The following CPLANE1 variants were observed in gnomAD, a reference collection of about 807,000 sequenced individuals.
CPLANE1 encodes the protein ciliogenesis and planar polarity effector complex subunit 1, also known as ciliogenesis and planar polarity effector 1.
In CPLANE1, 263 loss-of-function variants were observed where a neutral mutation model predicts 362.5. The ratio of observed to expected loss-of-function variants is 0.73; its 90% CI spans 0.66 to 0.80. CPLANE1 has a LOEUF of 0.80. Among genes scored for constraint, CPLANE1 ranks in the 30% least tolerant of loss-of-function variants. CPLANE1 has a pLI of 0.00. For synonymous variants in CPLANE1, 1,212 were observed against 1,302.6 expected, an observed-to-expected ratio of 0.93 and a Z score of 1.50; for missense variants, 3,461 against 3,793.4, an observed-to-expected ratio of 0.91 and a Z score of 2.30.
At chr5:37,187,912 TCTG>T in intron 21 of CPLANE1, 70 bp from the exon 22 acceptor site, 1 of 998,416 alleles carries the variant, frequency 1.0e-6, no homozygotes, top group Non-Finnish European at 1.5e-6. Flanking sequence ...CAACTCCAAC[TCTG>T]CTGATCATTT....
intron 16 of CPLANE1, chr5:37,210,368 A>G: frequency 3.6e-6 from 4 of 1,121,052 alleles, no homozygotes; most frequent in Non-Finnish European, 1.4e-6. Context: ...AGCAGAATAT[A>G]AAGAGTTTTG....
In CPLANE1 at chr5:37,173,744, G is replaced by A; in HGVS notation, c.6171+11C>T. 1 of 1,607,504 alleles carries A rather than the reference G, an allele frequency of 6.2e-7. No individual in the cohort carries two copies. Among genetic ancestry groups the A allele is most frequent in the South Asian group, 1.1e-5 (1 of 90,768 alleles). ...GTGTAGATTTACTTACTTATATAGA[G>A]ATGTGCTTACCTGAACTAATTTAAA... On this transcript the variant is annotated intron_variant, in intron 32 of 52. Coordinates refer to ENST00000651892, the MANE Select transcript of CPLANE1 (RefSeq NM_001384732.1).
chr5:37,077,410 G>A, the CPLANE1 span, among the ~76,000 whole-genome samples: 1 of 151,968 alleles, frequency 6.6e-6, no homozygotes, highest in Non-Finnish European at 1.5e-5. Context: ...GTCTGTTGCT[G>A]CTGCTTTTGT....
intron 43 of CPLANE1, among the ~76,000 whole-genome samples, chr5:37,142,990 A>G (rs901480064): frequency 1.3e-5 from 2 of 152,238 alleles, no homozygotes; most frequent in African/African-American, 4.8e-5. Flanking sequence ...CCCCTGGTGA[A>G]ACAGCAAATA....
the CPLANE1 span, among the ~76,000 whole-genome samples, chr5:37,100,692 A>C: frequency 6.6e-6 from 1 of 152,176 alleles, no homozygotes; most frequent in Non-Finnish European, 1.5e-5. Context: ...TGAATCTATA[A>C]ATTACTTTGG....
intron 46 of CPLANE1, among the ~76,000 whole-genome samples, chr5:37,131,333 C>G (rs1765724713): frequency 6.6e-6 from 1 of 152,048 alleles, no homozygotes; most frequent in South Asian, 2.1e-4. Flanking sequence ...TCACAGTCAG[C>G]TAGTCTCACT....
Position 37,182,840 on chromosome 5 carries a change from TAGAG to T in CPLANE1, c.5337_5340del (p.Ser1780GlnfsTer29). 1 of 1,613,612 alleles carries T rather than the reference TAGAG, an allele frequency of 6.2e-7. No individual in the cohort carries two copies. The highest frequency in any genetic ancestry group is 8.5e-7 in the Non-Finnish European group (1 of 1,179,852). On this transcript the variant is annotated frameshift_variant, in exon 26 of 53. Transcript: ENST00000651892. ...CATAATGATGTAAGAATGGCAGCTG[TAGAG>T]GTCTTTACACGAATTACTGGACTGT...
intron 15 of CPLANE1, among the ~76,000 whole-genome samples, chr5:37,215,356 A>C (rs1793753733): frequency 6.6e-6 from 1 of 152,048 alleles, no homozygotes; most frequent in Non-Finnish European, 1.5e-5. Context: ...GCCTCTTAGG[A>C]TTTTCTTAAT....
chr5:37,152,522 A>G (rs1428735005), intron 42 of CPLANE1, among the ~76,000 whole-genome samples: 1 of 152,122 alleles, frequency 6.6e-6, no homozygotes, highest in Admixed American at 6.6e-5. Flanking sequence ...GTGTAAAATA[A>G]TTTTTGAGAC....
chr5:37,203,504 A>G (rs1789801434), intron 18 of CPLANE1, among the ~76,000 whole-genome samples: 1 of 152,106 alleles, frequency 6.6e-6, no homozygotes, highest in Non-Finnish European at 1.5e-5. Flanking sequence ...ACATTCATGT[A>G]TGGATATTTG....
chr5:37,229,231 A>T (rs1183747817), intron 9 of CPLANE1, among the ~76,000 whole-genome samples: 1 of 151,804 alleles, frequency 6.6e-6, no homozygotes, highest in Non-Finnish European at 1.5e-5. Context: ...AAAAAAAAAA[A>T]AATTAAATTA....
At chr5:37,136,982 T>C (rs906314043) in intron 46 of CPLANE1, among the ~76,000 whole-genome samples, 2 of 152,138 alleles carry the variant, frequency 1.3e-5, no homozygotes, top group African/African-American at 4.8e-5. Flanking sequence ...CCTGGAGATA[T>C]TTTCCCCATG....
At chr5:37,149,979 T>A (rs1405756098) in intron 42 of CPLANE1, among the ~76,000 whole-genome samples, 1 of 152,210 alleles carries the variant, frequency 6.6e-6, no homozygotes, top group Non-Finnish European at 1.5e-5. Context: ...GCCCACCATG[T>A]GTAGCAAAAG....
At position 37,165,560 on chromosome 5, in the gene CPLANE1, T is replaced by C; in HGVS notation, c.7512A>G (p.Ser2504=). 1 of 1,608,884 alleles carries C rather than the reference T, an allele frequency of 6.2e-7. No individual in the cohort carries two copies. The highest frequency in any genetic ancestry group is 1.1e-5 in the South Asian group (1 of 89,274). ...ATACCTTGGGTTTCTTAATGATTTCTGAATCATCATTATTAATTATGGAAT... is the reference window on the plus strand; with the variant it reads ...ATACCTTGGGTTTCTTAATGATTTCCGAATCATCATTATTAATTATGGAAT... The part of the protein sequence containing the change: ...PENSIINNDD[S]EIIKKPKEQQ... Residue 2504 remains serine (S), a synonymous_variant, in exon 36 of 53, where the codon TCA becomes TCG. Coordinates refer to ENST00000651892, the MANE Select transcript of CPLANE1 (RefSeq NM_001384732.1).
intron 2 of CPLANE1, 107 bp from the exon 3 acceptor site, chr5:37,245,952 C>T: frequency 9.4e-7 from 1 of 1,062,778 alleles, no homozygotes; most frequent in Non-Finnish European, 1.3e-6. Context: ...GAAAGATTAT[C>T]CATTTGTACC....
At chr5:37,185,133 G>A (rs1188009686) in intron 24 of CPLANE1, 54 bp from the exon 25 acceptor site, 3 of 1,505,876 alleles carry the variant, frequency 2.0e-6, no homozygotes, top group Non-Finnish European at 2.7e-6. Context: ...TTCAATTCAA[G>A]ACATAGGAGA....
rs971017076 is a variant in CPLANE1 at position 37,238,979 on chromosome 5, A to G, written c.835-19T>C. 8.2e-7 allele frequency: 1 copy of G among 1,224,128 alleles called. No individual in the cohort carries two copies. Among genetic ancestry groups the G allele is most frequent in the Non-Finnish European group, 1.1e-6 (1 of 883,888 alleles). The allele number at this position is 1,224,128 out of a possible 1,614,324, so 75.8% of individuals were successfully genotyped here. On this transcript the variant is annotated intron_variant, in intron 7 of 52. Coordinates refer to ENST00000651892, the MANE Select transcript of CPLANE1 (RefSeq NM_001384732.1). ...GAGTTGCCTAGAAAGGAAAAAAAAG[A>G]CAAGAAAACTATTAAAATTATTTTA...
At chr5:37,094,830 C>T in the CPLANE1 span, among the ~76,000 whole-genome samples, 1 of 152,074 alleles carries the variant, frequency 6.6e-6, no homozygotes, top group African/African-American at 2.4e-5. Context: ...CTAGAAAACC[C>T]AGAAGAGATG....
intron 8 of CPLANE1, among the ~76,000 whole-genome samples, chr5:37,232,493 G>A (rs1797929225): frequency 6.7e-6 from 1 of 148,388 alleles, no homozygotes; most frequent in Admixed American, 6.8e-5. Flanking sequence ...CTCCCACCTG[G>A]ACGACAGAGC....
Sources: gnomAD v4.1 joint callset for allele counts (sites outside exome capture counted in the v4.1 genomes callset) on GRCh38, gnomAD v4.1.1 for gene constraint, MANE v1.5 for transcripts, NCBI Gene and HGNC (gene_info 2026-07-23, HGNC 2026-07-21) for gene names.